RBMS3: variants seen among roughly 807,000 people sequenced by gnomAD.
RBMS3 encodes the protein RNA binding motif single stranded interacting protein 3.
RBMS3 carries 27 observed loss-of-function variants against 66.8 expected under a neutral mutation model. That is an observed-to-expected ratio of 0.40 (90% CI 0.30 to 0.56). RBMS3 has a LOEUF of 0.56. Ranked by LOEUF, RBMS3 falls within the 20% of genes least tolerant of loss-of-function variation. The probability of loss-of-function intolerance (pLI) is 0.40; values close to 1 mark genes in which losing one functional copy is unlikely to be tolerated. For missense variants in RBMS3, 513 were observed against 549.5 expected (o/e 0.93, Z 0.66); for synonymous variants, 188 against 183.0 (o/e 1.03, Z -0.22).
intron 4 of RBMS3, among the ~76,000 whole-genome samples, chr3:29,640,646 A>G (rs1482702332): frequency 6.6e-6 from 1 of 151,962 alleles, no homozygotes; most frequent in Non-Finnish European, 1.5e-5. Flanking sequence ...GGAGGAAAAC[A>G]TTTTAATGAT....
chr3:29,637,930 T>A (rs1449172860), intron 4 of RBMS3, among the ~76,000 whole-genome samples: 2 of 151,926 alleles, frequency 1.3e-5, no homozygotes, highest in African/African-American at 4.8e-5. Context: ...CCACCTTCTT[T>A]CCTCTTTGCC....
chr3:29,533,425 T>A (rs1469357644), intron 3 of RBMS3, among the ~76,000 whole-genome samples: 1 of 152,136 alleles, frequency 6.6e-6, no homozygotes, highest in Non-Finnish European at 1.5e-5. Flanking sequence ...GAGGCTGCAG[T>A]GAGCTGTGAT....
chr3:29,763,646 G>A (rs2055793028), intron 6 of RBMS3, among the ~76,000 whole-genome samples: 1 of 152,016 alleles, frequency 6.6e-6, no homozygotes, highest in Non-Finnish European at 1.5e-5. Context: ...CTAATTTTAT[G>A]CTATTAAGAA....
In RBMS3 at chr3:29,393,045, A is replaced by G. The variant is rs367883176; in HGVS notation, c.76-41698A>G. ...CACTATTTCCACAGATTGCTTTAAC[A>G]ATGAGTAAACTTTTGCTGGTTTATG... On this transcript the variant is annotated intron_variant, in intron 1 of 14. Transcript: ENST00000383767. Among the ~76,000 whole-genome samples, 3 of 152,316 alleles carry G rather than the reference A, an allele frequency of 2.0e-5. No homozygotes were observed. The South Asian group carries it at 6.2e-4, about 32-fold the overall frequency.
At chr3:29,945,974 T>A (rs751343105) in intron 12 of RBMS3, among the ~76,000 whole-genome samples, 2 of 151,756 alleles carry the variant, frequency 1.3e-5, no homozygotes, top group Admixed American at 1.3e-4. Context: ...ATATGACATA[T>A]TGTATTTATA....
chr3:29,339,108 G>C (rs1393725627), intron 1 of RBMS3, among the ~76,000 whole-genome samples: 2 of 152,170 alleles, frequency 1.3e-5, no homozygotes, highest in Middle Eastern at 3.2e-3. Flanking sequence ...TCCCCTGACA[G>C]GGCTGTGGAA....
chr3:29,289,522 C>A (rs557518225), intron 1 of RBMS3, among the ~76,000 whole-genome samples: 105 of 151,584 alleles, frequency 6.9e-4, no homozygotes, highest in African/African-American at 2.3e-3. Context: ...TAACTATGTT[C>A]CTAATATTAT....
At chr3:29,735,962 G>C (rs1478129227) in intron 4 of RBMS3, among the ~76,000 whole-genome samples, 3 of 151,980 alleles carry the variant, frequency 2.0e-5, no homozygotes, top group Non-Finnish European at 2.9e-5. Context: ...ATTATAAAAA[G>C]ATCTTTTTGA....
chr3:29,847,645 A>ATT (rs555329566), intron 6 of RBMS3, among the ~76,000 whole-genome samples: 4 of 143,592 alleles, frequency 2.8e-5, no homozygotes, highest in East Asian at 2.1e-4. Context: ...TTTGTGTTTT[A>ATT]TTTTTTTTTT....
chr3:29,458,838 A>T (rs569578450), intron 2 of RBMS3, among the ~76,000 whole-genome samples: 3 of 152,350 alleles, frequency 2.0e-5, no homozygotes, highest in African/African-American at 7.2e-5. Context: ...AGCAGGATGA[A>T]TATTACCACC....
intron 2 of RBMS3, among the ~76,000 whole-genome samples, chr3:29,464,210 C>T (rs566524719): frequency 3.9e-5 from 6 of 152,172 alleles, no homozygotes; most frequent in Middle Eastern, 3.4e-3. Flanking sequence ...AAAAACCATG[C>T]GTAAGTCTGT....
intron 10 of RBMS3, among the ~76,000 whole-genome samples, chr3:29,902,231 C>T (rs912084179): frequency 6.6e-6 from 1 of 151,754 alleles, no homozygotes; most frequent in Non-Finnish European, 1.5e-5. Context: ...ATGTTTTGTT[C>T]ATTAAATGAA....
chr3:29,808,732 A>T (rs989843860), intron 6 of RBMS3, among the ~76,000 whole-genome samples: 1 of 151,972 alleles, frequency 6.6e-6, no homozygotes, highest in African/African-American at 2.4e-5. Context: ...CTGCTTGATT[A>T]TCACTTATAC....
chr3:29,509,851 T>C (rs911433239), intron 3 of RBMS3, among the ~76,000 whole-genome samples: 1 of 152,250 alleles, frequency 6.6e-6, no homozygotes, highest in African/African-American at 2.4e-5. Context: ...AAGGACTGTA[T>C]CGTATTCATT....
intron 5 of RBMS3, among the ~76,000 whole-genome samples, chr3:29,751,682 G>T (rs932183762): frequency 3.9e-5 from 6 of 152,172 alleles, no homozygotes; most frequent in African/African-American, 1.4e-4. Context: ...TAGTCTTAAA[G>T]ATTTACTCAA....
intron 4 of RBMS3, among the ~76,000 whole-genome samples, chr3:29,670,689 A>G (rs969232178): frequency 6.6e-6 from 1 of 152,218 alleles, no homozygotes; most frequent in Non-Finnish European, 1.5e-5. Context: ...GCAAGGCAGC[A>G]GCAAGGCTGG....
chr3:29,331,323 G>A (rs916850226), intron 1 of RBMS3, among the ~76,000 whole-genome samples: 2 of 152,056 alleles, frequency 1.3e-5, no homozygotes, highest in Admixed American at 6.6e-5. Context: ...GGAGTTCCAC[G>A]TCCTCCCTGG....
At chr3:29,701,262 A>G (rs2052559857) in intron 4 of RBMS3, among the ~76,000 whole-genome samples, 1 of 151,948 alleles carries the variant, frequency 6.6e-6, no homozygotes, top group Non-Finnish European at 1.5e-5. Context: ...GGGCAATAAG[A>G]GCGAGACTCT....
At chr3:29,712,704 A>T (rs1236512927) in intron 4 of RBMS3, among the ~76,000 whole-genome samples, 1 of 152,150 alleles carries the variant, frequency 6.6e-6, no homozygotes, top group African/African-American at 2.4e-5. Context: ...GACCATATAG[A>T]ACAAAAAGGT....
Sources: gnomAD v4.1 joint callset for allele counts (sites outside exome capture counted in the v4.1 genomes callset) on GRCh38, gnomAD v4.1.1 for gene constraint, MANE v1.5 for transcripts, NCBI Gene and HGNC (gene_info 2026-07-23, HGNC 2026-07-21) for gene names.